Variants in RBFOX1 observed in about 807,000 individuals in gnomAD.
RBFOX1 encodes the protein RNA binding protein fox-1 homolog 1.
A neutral mutation model predicts 57.7 loss-of-function variants in RBFOX1; 8 were observed. That is an observed-to-expected ratio of 0.14 (90% CI 0.08 to 0.25). The LOEUF is 0.25. RBFOX1 is among the 10% of genes least tolerant of loss of function. The pLI, the probability that RBFOX1 is intolerant of heterozygous loss-of-function variation, is 1.00. For synonymous variants in RBFOX1, 326 were observed against 222.4 expected (o/e 1.47, Z -4.15); for missense variants, 611 against 548.5 (o/e 1.11, Z -1.14).
In RBFOX1 at chr16:7,269,847, A is replaced by C. The variant is rs80174202; in HGVS notation, c.27+217749A>C. 3.3e-3 allele frequency among the ~76,000 whole-genome samples: 502 copies of C among 152,292 alleles called. 3 individuals carry two copies. The highest frequency in any genetic ancestry group is 5.9e-3 in the Non-Finnish European group (402 of 68,012). Reference sequence around the variant, plus strand: ...GAATAGATTTTATGTTGCTTTTTGAACTGGTTGTGCCCCTGCACATCCCAT... The same window carrying C: ...GAATAGATTTTATGTTGCTTTTTGACCTGGTTGTGCCCCTGCACATCCCAT... On this transcript the variant is annotated intron_variant, in intron 4 of 15. Coordinates refer to ENST00000550418, the MANE Select transcript of RBFOX1 (RefSeq NM_018723.4).
intron 4 of RBFOX1, among the ~76,000 whole-genome samples, chr16:7,217,135 T>G (rs1024232859): frequency 2.7e-5 from 4 of 149,090 alleles, no homozygotes; most frequent in Non-Finnish European, 3.0e-5. Context: ...TTGACAGTCT[T>G]GCTCTGTCGC....
intron 3 of RBFOX1, among the ~76,000 whole-genome samples, chr16:6,920,482 C>T (rs1043488612): frequency 2.6e-5 from 4 of 152,282 alleles, no homozygotes; most frequent in South Asian, 2.1e-4. Context: ...ATTAAGGGAG[C>T]ACCGAGTCCA....
chr16:6,843,674 G>C (rs1315109971), intron 3 of RBFOX1, among the ~76,000 whole-genome samples: 2 of 152,188 alleles, frequency 1.3e-5, no homozygotes, highest in Non-Finnish European at 2.9e-5. Context: ...GGGTGACAGA[G>C]CGAGACTCCA....
At chr16:5,575,286 C>T (rs1040124888) in intron 2 of RBFOX1, among the ~76,000 whole-genome samples, 1 of 152,144 alleles carries the variant, frequency 6.6e-6, no homozygotes, top group Non-Finnish European at 1.5e-5. Flanking sequence ...TGATCATTAT[C>T]GTCGTCATCA....
chr16:5,711,496 CAGTT>C (rs777545316), intron 3 of RBFOX1, among the ~76,000 whole-genome samples: 3 of 152,084 alleles, frequency 2.0e-5, no homozygotes, highest in Non-Finnish European at 4.4e-5. Flanking sequence ...TGTGAAGTGA[CAGTT>C]GGGGTGCGAT....
At chr16:5,878,535 C>T (rs1442763283) in intron 4 of RBFOX1, among the ~76,000 whole-genome samples, 2 of 152,046 alleles carry the variant, frequency 1.3e-5, no homozygotes, top group Non-Finnish European at 2.9e-5. Context: ...GCTTGAAAAC[C>T]CCCTTGGGTT....
chr16:5,800,605 T>C (rs1246201683), intron 3 of RBFOX1, among the ~76,000 whole-genome samples: 2 of 152,120 alleles, frequency 1.3e-5, no homozygotes, highest in Non-Finnish European at 2.9e-5. Context: ...GAAATGGATG[T>C]GACCCAGTGA....
At position 6,827,436 on chromosome 16, in the gene RBFOX1, A is replaced by G. The variant is rs116811763; in HGVS notation, c.-16+172786A>G. Among the ~76,000 whole-genome samples, 863 of 151,296 alleles carry G rather than the reference A, an allele frequency of 5.7e-3. 10 individuals carry two copies. Among genetic ancestry groups the G allele is most frequent in the African/African-American group, 0.019 (787 of 41,522 alleles). ...TAGGGAAGGAAGAGAAGTTTGGTCA[A>G]TTGATGCAGTCTCAGTATGATGACA... is the stretch of plus-strand genomic sequence containing the variant. On this transcript the variant is annotated intron_variant, in intron 3 of 15. Coordinates refer to ENST00000550418, the MANE Select transcript of RBFOX1 (RefSeq NM_018723.4).
chr16:6,669,904 C>A (rs1371092541), intron 3 of RBFOX1, among the ~76,000 whole-genome samples: 1 of 152,066 alleles, frequency 6.6e-6, no homozygotes, highest in Non-Finnish European at 1.5e-5. Context: ...AGTAACCGAC[C>A]CATGGTATAT....
At chr16:5,415,414 G>A (rs925999171) in intron 1 of RBFOX1, among the ~76,000 whole-genome samples, 1 of 152,164 alleles carries the variant, frequency 6.6e-6, no homozygotes, top group Non-Finnish European at 1.5e-5. Flanking sequence ...CCTCTGACAC[G>A]TGAGGATTAC....
chr16:6,263,728 A>G (rs879743465), intron 1 of RBFOX1, among the ~76,000 whole-genome samples: 4 of 151,858 alleles, frequency 2.6e-5, no homozygotes, highest in Non-Finnish European at 5.9e-5. Flanking sequence ...TTGTTTGTAA[A>G]TTTGTCATTA....
In RBFOX1 at chr16:5,657,598, TTCTC is replaced by T. The variant is rs201866952; in HGVS notation, c.318+58638_318+58641del. Among the ~76,000 whole-genome samples the T allele has an allele frequency of 8.2e-3, 1,238 of 150,364 alleles. 20 individuals carry two copies. Among genetic ancestry groups the T allele is most frequent in the African/African-American group, 0.029 (1,181 of 40,964 alleles). On this transcript the variant is annotated intron_variant, in intron 3 of 19. Transcript: ENST00000641259. ...GTTTGGTTTGAGGTCTGTAAATTCT[TTCTC>T]GCTCGCTTTCTTTCTTTCTCTCTTT...
chr16:6,261,620 T>C (rs1041252252), intron 1 of RBFOX1, among the ~76,000 whole-genome samples: 2 of 150,796 alleles, frequency 1.3e-5, no homozygotes, highest in African/African-American at 4.8e-5. Context: ...GTCCACATTA[T>C]GGTGTTTTCT....
chr16:6,244,675 A>G lies in RBFOX1; in HGVS notation c.-126-72320A>G, dbSNP rs532777759. On this transcript the variant is annotated intron_variant, in intron 1 of 15. Coordinates refer to ENST00000550418, the MANE Select transcript of RBFOX1 (RefSeq NM_018723.4). ...CAGGCATGTGCCACCACTCCTAGCTAATTATTGTATTTTTAGTAGAGACGG... is the reference window on the plus strand; with the variant it reads ...CAGGCATGTGCCACCACTCCTAGCTGATTATTGTATTTTTAGTAGAGACGG... Among the ~76,000 whole-genome samples, 19 of 152,062 alleles carry G rather than the reference A, an allele frequency of 1.2e-4. No individual in the cohort carries two copies. In the East Asian group the frequency reaches 3.7e-3, roughly 30 times the overall value.
At chr16:6,655,601 C>T (rs1225124700) in intron 3 of RBFOX1, among the ~76,000 whole-genome samples, 1 of 152,076 alleles carries the variant, frequency 6.6e-6, no homozygotes, top group African/African-American at 2.4e-5. Flanking sequence ...TTAATATTTT[C>T]ACAGTCTCTT....
chr16:7,341,186 A>AT (rs2096883760), intron 4 of RBFOX1, among the ~76,000 whole-genome samples: 1 of 152,160 alleles, frequency 6.6e-6, no homozygotes, highest in South Asian at 2.1e-4. Context: ...AGGAGCCAGC[A>AT]TGTTCACTTG....
At chr16:6,606,875 T>C (rs1045055009) in intron 2 of RBFOX1, among the ~76,000 whole-genome samples, 3 of 152,170 alleles carry the variant, frequency 2.0e-5, no homozygotes, top group Non-Finnish European at 2.9e-5. Flanking sequence ...ATATACCCAG[T>C]AATAGGATTG....
intron 4 of RBFOX1, among the ~76,000 whole-genome samples, chr16:7,339,726 C>T (rs924661862): frequency 1.3e-5 from 2 of 152,206 alleles, no homozygotes; most frequent in African/African-American, 2.4e-5. Flanking sequence ...AGGTGCAAGC[C>T]ACTGTGCCTG....
At chr16:6,677,980 A>G (rs1366248014) in intron 3 of RBFOX1, among the ~76,000 whole-genome samples, 2 of 152,244 alleles carry the variant, frequency 1.3e-5, no homozygotes, top group Non-Finnish European at 2.9e-5. Flanking sequence ...ATAATGTCAA[A>G]CATATATGTA....
Sources: allele counts gnomAD v4.1 joint callset (sites outside exome capture counted in the v4.1 genomes callset), GRCh38; gene constraint gnomAD v4.1.1; transcripts MANE v1.5; gene names NCBI Gene and HGNC (gene_info 2026-07-23, HGNC 2026-07-21).